The following CP variants were observed in gnomAD, a reference collection of about 807,000 sequenced individuals.
CP encodes ceruloplasmin, also known as caeruloplasmin.
A neutral mutation model predicts 122.4 loss-of-function variants in CP; 64 were observed. The ratio of observed to expected loss-of-function variants is 0.52; its 90% CI spans 0.43 to 0.64. The LOEUF (loss-of-function observed/expected upper bound fraction) is 0.64. Ranked by LOEUF, CP falls within the 30% of genes least tolerant of loss-of-function variation. CP has a pLI of 0.00. For missense variants in CP, 1,167 were observed against 1,284.4 expected (o/e 0.91, Z 1.40); for synonymous variants, 440 against 436.4 (o/e 1.01, Z -0.10).
intron 9 of CP, among the ~76,000 whole-genome samples, chr3:149,193,887 G>A (rs1726715560): frequency 6.6e-6 from 1 of 152,250 alleles, no homozygotes; most frequent in Non-Finnish European, 1.5e-5. Context: ...CACATGGCTA[G>A]TAACTGAGAA....
At chr3:149,216,451 C>T (rs1223307761) in intron 1 of CP, among the ~76,000 whole-genome samples, 1 of 152,188 alleles carries the variant, frequency 6.6e-6, no homozygotes, top group Non-Finnish European at 1.5e-5. Flanking sequence ...CCCCTTTCAT[C>T]TTCAAGTCAG....
Position 149,176,388 on chromosome 3 carries a change from C to T in CP, c.3043G>A (p.Val1015Ile), listed in dbSNP as rs1294319668. The stretch of plus-strand genomic sequence containing the variant: ...TATGTTCCAGGGAAAATGTCAAAGA[C>T]ATCAGAACTATAAACTCCCCTGTGC... ...YKHRGVYSSDVFDIFPGTYQT... is the reference protein window; with the variant it reads ...YKHRGVYSSDIFDIFPGTYQT... Residue 1015 changes from valine (V) to isoleucine (I), a missense_variant, in exon 18 of 19, where the codon GTC (valine) becomes ATC (isoleucine). Val to Ile is a conservative substitution (Grantham distance 29). This residue lies in a region of CP where 525 missense variants were observed against 657.2 expected (regional missense o/e 0.80). Transcript: ENST00000264613. The T allele has an allele frequency of 2.5e-6, 4 of 1,612,164 alleles. No individual in the cohort carries two copies. The highest frequency in any genetic ancestry group is 3.4e-6 in the Non-Finnish European group (4 of 1,178,462).
chr3:149,163,516 TAAAG>T (rs919390588), intron 5 of CP, among the ~76,000 whole-genome samples: 2 of 152,256 alleles, frequency 1.3e-5, no homozygotes, highest in Non-Finnish European at 2.9e-5. Flanking sequence ...TTTTGCCTTC[TAAAG>T]AAAGTAGTAT....
intron 15 of CP, 23 bp downstream of exon 15, chr3:149,179,533 A>G (rs1350677334): frequency 6.3e-7 from 1 of 1,577,788 alleles, no homozygotes; most frequent in East Asian, 2.2e-5. Context: ...GAAGTGTCAC[A>G]AAACAAATGA....
Position 149,183,613 on chromosome 3 carries a change from A to G in CP, c.2286-8T>C. 6.5e-7 allele frequency: 1 copy of G among 1,548,368 alleles called. No individual in the cohort carries two copies. Among genetic ancestry groups the G allele is most frequent in the Middle Eastern group, 1.7e-4 (1 of 5,716 alleles). ...AAAAATGCATTTGAAACACTTAAAA[A>G]AAAAAACAACTAAGGTTAGTATTTG... On this transcript the variant is annotated splice_polypyrimidine_tract_variant and splice_region_variant and intron_variant, in intron 12 of 18. Transcript: ENST00000264613.
At position 149,212,432 on chromosome 3, in the gene CP, C is replaced by T. The variant is rs188121726; in HGVS notation, c.394+19G>A. ...ACTGAAAAGTAAGAGGAAATTCCAG[C>T]TACATGAGCTGAACTTACCCTCATG... On this transcript the variant is annotated intron_variant, in intron 2 of 18. Coordinates refer to ENST00000264613, the MANE Select transcript of CP (RefSeq NM_000096.4). The T allele has an allele frequency of 5.1e-4, 824 of 1,613,396 alleles. 8 individuals are homozygous for T. The African/African-American group carries it at 9.4e-3, about 18-fold the overall frequency.
chr3:149,176,633 A>G, intron 17 of CP: 1 of 516,466 alleles, frequency 1.9e-6, no homozygotes, highest in Non-Finnish European at 3.5e-6. Context: ...AGATGTGATG[A>G]GAATGAATTC....
At chr3:149,187,809 C>A (rs746497751) in intron 10 of CP, 21 of 469,658 alleles carry the variant, frequency 4.5e-5, no homozygotes, top group Non-Finnish European at 7.8e-5. Flanking sequence ...GATGCTGAGG[C>A]TGCTGATATA....
At chr3:149,174,065 CT>C (rs1725240467) in intron 18 of CP, among the ~76,000 whole-genome samples, 1 of 152,116 alleles carries the variant, frequency 6.6e-6, no homozygotes, top group Admixed American at 6.6e-5. Flanking sequence ...ATATGGTGTA[CT>C]AAGAAAAACA....
At chr3:149,208,333 A>G (rs1727883828) in intron 4 of CP, among the ~76,000 whole-genome samples, 1 of 152,178 alleles carries the variant, frequency 6.6e-6, no homozygotes, top group South Asian at 2.1e-4. Flanking sequence ...CACTGGTACC[A>G]AATCAAACCT....
At chr3:149,189,306 C>G (rs1726386322) in intron 9 of CP, among the ~76,000 whole-genome samples, 1 of 152,118 alleles carries the variant, frequency 6.6e-6, no homozygotes, top group Non-Finnish European at 1.5e-5. Context: ...GTAATCCCAG[C>G]ACTTTGGGAG....
intron 10 of CP, among the ~76,000 whole-genome samples, chr3:149,187,475 A>G (rs191512081): frequency 9.6e-4 from 146 of 152,348 alleles, no homozygotes; most frequent in African/African-American, 3.4e-3. Flanking sequence ...AAAATCTGGT[A>G]TTAGACTTAA....
At chr3:149,185,195 C>G (rs1349493363) in intron 12 of CP, 44 bp downstream of exon 12, 11 of 1,601,772 alleles carry the variant, frequency 6.9e-6, no homozygotes, top group Non-Finnish European at 7.7e-6. Context: ...AAAAGGAAAC[C>G]TAAAATTACT....
chr3:149,203,881 G>A (rs911411606), intron 6 of CP, among the ~76,000 whole-genome samples: 2 of 152,144 alleles, frequency 1.3e-5, no homozygotes, highest in Non-Finnish European at 2.9e-5. Context: ...GTATTATGGA[G>A]CATTTCTTTG....
At position 149,185,230 on chromosome 3, in the gene CP, G is replaced by C. The variant is rs1726078274; in HGVS notation, c.2285+9C>G. The C allele has an allele frequency of 6.2e-7, 1 of 1,611,608 alleles. No individual in the cohort carries two copies. The highest frequency in any genetic ancestry group is 8.5e-7 in the Non-Finnish European group (1 of 1,179,562). Reference sequence around the variant, plus strand: ...TGCTGAAATTGGGAATCAGAGTCTGGAGAATTACTTCTGCTCTTGTAAATG... The same window carrying C: ...TGCTGAAATTGGGAATCAGAGTCTGCAGAATTACTTCTGCTCTTGTAAATG... On this transcript the variant is annotated intron_variant, in intron 12 of 18. Transcript: ENST00000264613.
intron 12 of CP, 46 bp downstream of exon 12, chr3:149,185,193 A>G: frequency 6.3e-7 from 1 of 1,599,824 alleles, no homozygotes; most frequent in Non-Finnish European, 8.5e-7. Context: ...TGAAAAGGAA[A>G]CCTAAAATTA....
At chr3:149,182,223 C>T (rs1725834655) in intron 13 of CP, 90 bp from the exon 14 acceptor site, 1 of 1,478,986 alleles carries the variant, frequency 6.8e-7, no homozygotes, top group South Asian at 1.1e-5. Flanking sequence ...GTTTCTCTCC[C>T]CCATGGGTTT....
Position 149,199,837 on chromosome 3 carries a change from T to C in CP, c.1376A>G (p.Asp459Gly), listed in dbSNP as rs772358728. ...LGPVIWAEVG[D>G]TIRVTFHNKG... ...GTTATGGAAGGTTACTCTGATGGTG[T>C]CTCCCACCTCTGCCCAAATGACAGG... The change falls in exon 8 of 19, where the codon GAC becomes GGC. Residue 459 changes from aspartate (D) to glycine (G), a missense_variant. Physicochemically the swap from Asp to Gly is moderately conservative, Grantham distance 94. Transcript: ENST00000264613. 3.1e-6 allele frequency: 5 copies of C among 1,614,142 alleles called. No homozygotes were observed. In the East Asian group the frequency reaches 8.9e-5, roughly 29 times the overall value.
rs1415955903 is a variant in CP at position 149,185,541 on chromosome 3, GCC to G, written c.2078-97_2078-96del. On this transcript the variant is annotated intron_variant, in intron 11 of 18. Transcript: ENST00000264613. ...AATTAATGCTGAAGTCCTTATCATG[GCC>G]TCAGGTGATCTAGCTTTCCACACCT... is the stretch of plus-strand genomic sequence containing the variant. The G allele has an allele frequency of 8.8e-5, 101 of 1,154,146 alleles. No individual in the cohort carries two copies. The South Asian group carries it at 1.1e-3, about 13-fold the overall frequency. 71.5% of individuals were successfully genotyped at this position (1,154,146 alleles called of 1,614,324 possible). A position where few individuals can be genotyped will look rare whatever the true frequency, so the allele number is the denominator to read the frequency against.
Sources: allele counts gnomAD v4.1 joint callset (sites outside exome capture counted in the v4.1 genomes callset), GRCh38; gene constraint gnomAD v4.1.1; regional missense constraint gnomAD v4.1.1; transcripts MANE v1.5; gene names NCBI Gene and HGNC (gene_info 2026-07-23, HGNC 2026-07-21).